CAST: variants seen among roughly 807,000 people sequenced by gnomAD.
CAST encodes the protein calpastatin.
Under a neutral mutation model 119.6 loss-of-function variants are expected in CAST, and 76 were observed. The observed-to-expected ratio is 0.64, with a 90% confidence interval of 0.53 to 0.77. The LOEUF is 0.77. Among genes scored for constraint, CAST ranks in the 30% least tolerant of loss-of-function variants. The pLI, the probability that CAST is intolerant of heterozygous loss-of-function variation, is 0.00. For synonymous variants in CAST, 319 were observed against 331.6 expected (o/e 0.96, Z 0.41); for missense variants, 953 against 946.5 (o/e 1.01, Z -0.09).
the CAST span, among the ~76,000 whole-genome samples, chr5:96,358,835 T>G: frequency 6.6e-6 from 1 of 152,212 alleles, no homozygotes; most frequent in East Asian, 1.9e-4. Flanking sequence ...GTTCTGTAGA[T>G]GTCTCTTAGG....
the CAST span, among the ~76,000 whole-genome samples, chr5:96,413,767 C>T: frequency 7.0e-6 from 1 of 142,886 alleles, no homozygotes; most frequent in African/African-American, 2.6e-5. Flanking sequence ...AACCACTGCA[C>T]TCCAGCCTGG....
the CAST span, chr5:95,986,237 G>GTTT: frequency 1.3e-3 from 192 of 152,330 alleles, 2 homozygotes; most frequent in African/African-American, 4.4e-3. Context: ...CTTGAACACA[G>GTTT]GTTCGTTAGC....
chr5:96,465,541 A>G, the CAST span, among the ~76,000 whole-genome samples: 2 of 152,116 alleles, frequency 1.3e-5, no homozygotes, highest in Non-Finnish European at 2.9e-5. Context: ...ATTAATACAT[A>G]ATAGATGTAC....
the CAST span, among the ~76,000 whole-genome samples, chr5:96,458,745 G>A: frequency 4.6e-5 from 7 of 151,964 alleles, no homozygotes; most frequent in Non-Finnish European, 2.9e-5. Context: ...TTTAAGGGAT[G>A]TCATAAGAAT....
the CAST span, among the ~76,000 whole-genome samples, chr5:96,287,879 C>T: frequency 1.3e-5 from 2 of 152,102 alleles, no homozygotes; most frequent in Non-Finnish European, 2.9e-5. Flanking sequence ...TGATGGAAGT[C>T]ATCCTACAAA....
the CAST span, chr5:96,214,768 A>G: frequency 6.6e-6 from 1 of 152,190 alleles, no homozygotes; most frequent in Non-Finnish European, 1.5e-5. Flanking sequence ...TTACCAAGAC[A>G]CAAGAAGATT....
chr5:96,312,499 C>T, the CAST span, among the ~76,000 whole-genome samples: 1 of 152,174 alleles, frequency 6.6e-6, no homozygotes, highest in South Asian at 2.1e-4. Context: ...AGGAATTTTA[C>T]ATCCCAACAC....
chr5:96,556,997 T>C (rs948365404), intron 1 of CAST, among the ~76,000 whole-genome samples: 6 of 152,024 alleles, frequency 3.9e-5, no homozygotes, highest in Non-Finnish European at 8.8e-5. Flanking sequence ...CCCATCAGAA[T>C]AACAGGGGAT....
chr5:96,387,997 G>A, the CAST span, among the ~76,000 whole-genome samples: 1 of 152,182 alleles, frequency 6.6e-6, no homozygotes, highest in Non-Finnish European at 1.5e-5. Context: ...GGGGGTCCCT[G>A]TTCAGATACA....
At chr5:96,444,846 A>G in the CAST span, among the ~76,000 whole-genome samples, 3 of 152,146 alleles carry the variant, frequency 2.0e-5, no homozygotes, top group Non-Finnish European at 4.4e-5. Flanking sequence ...CATGGTAAAG[A>G]CATTCCTCCA....
chr5:96,365,651 G>T, the CAST span, among the ~76,000 whole-genome samples: 2 of 151,954 alleles, frequency 1.3e-5, no homozygotes, highest in South Asian at 4.2e-4. Context: ...TGCAACCCCT[G>T]CCTTTTTTTG....
At chr5:96,560,607 A>G (rs1362893800) in intron 1 of CAST, among the ~76,000 whole-genome samples, 1 of 152,256 alleles carries the variant, frequency 6.6e-6, no homozygotes, top group Non-Finnish European at 1.5e-5. Flanking sequence ...AAAATTGCTC[A>G]TCATTACTGG....
the CAST span, chr5:95,961,950 G>A: frequency 2.0e-6 from 1 of 495,022 alleles, no homozygotes. Context: ...GTTCCCTTCA[G>A]AACCGCCCTC....
intron 1 of CAST, among the ~76,000 whole-genome samples, chr5:96,575,963 C>T (rs938861295): frequency 2.0e-5 from 3 of 152,102 alleles, no homozygotes; most frequent in African/African-American, 7.2e-5. Flanking sequence ...TTGATATGAC[C>T]ATATAATTTT....
chr5:96,278,757 A>C, the CAST span: 1 of 152,346 alleles, frequency 6.6e-6, no homozygotes, highest in East Asian at 1.9e-4. Context: ...ACACACACAC[A>C]TGCATATACA....
chr5:95,986,713 G>A, the CAST span, among the ~76,000 whole-genome samples: 1 of 152,146 alleles, frequency 6.6e-6, no homozygotes, highest in Non-Finnish European at 1.5e-5. Flanking sequence ...AGGTTCTGAA[G>A]GGATTTTTAA....
chr5:96,359,851 CT>C, the CAST span, among the ~76,000 whole-genome samples: 1 of 152,146 alleles, frequency 6.6e-6, no homozygotes, highest in Admixed American at 6.5e-5. Flanking sequence ...GTGGCGTTCT[CT>C]GTATTTTCTG....
the CAST span, among the ~76,000 whole-genome samples, chr5:96,427,038 C>A: frequency 4.1e-3 from 621 of 152,268 alleles, 3 homozygotes; most frequent in African/African-American, 0.014. Flanking sequence ...CTGAGTTGAT[C>A]TCTGGAAGCT....
chr5:96,090,004 G>A, the CAST span, among the ~76,000 whole-genome samples: 1 of 152,050 alleles, frequency 6.6e-6, no homozygotes, highest in African/African-American at 2.4e-5. Context: ...AAATTATTTG[G>A]TGGTATCCCA....
Sources: allele counts gnomAD v4.1 joint callset (sites outside exome capture counted in the v4.1 genomes callset), GRCh38; gene constraint gnomAD v4.1.1; transcripts MANE v1.5; gene names NCBI Gene and HGNC (gene_info 2026-07-23, HGNC 2026-07-21).